ZDHHC8: variants seen among roughly 807,000 people sequenced by gnomAD.
The protein encoded by ZDHHC8 is zDHHC palmitoyltransferase 8.
In ZDHHC8, 24 loss-of-function variants were observed where a neutral mutation model predicts 61.2. The observed-to-expected ratio is 0.39, with a 90% CI of 0.28 to 0.55. The LOEUF is 0.55. Among genes scored for constraint, ZDHHC8 ranks in the 20% least tolerant of loss-of-function variants. ZDHHC8 has a pLI of 0.60. For missense variants in ZDHHC8, 935 were observed against 1,102.1 expected, an observed-to-expected ratio of 0.85 and a Z score of 2.15; for synonymous variants, 523 against 492.5, an observed-to-expected ratio of 1.06 and a Z score of -0.82.
intron 1 of ZDHHC8, among the ~76,000 whole-genome samples, chr22:20,135,396 A>G (rs1336684784): frequency 6.6e-6 from 1 of 152,184 alleles, no homozygotes; most frequent in African/African-American, 2.4e-5. Flanking sequence ...CCAGAGCCAC[A>G]TTGCAGAATG....
intron 10 of ZDHHC8, 137 bp downstream of exon 10, chr22:20,143,893 C>T (rs1327828755): frequency 1.7e-5 from 20 of 1,174,620 alleles, no homozygotes; most frequent in East Asian, 2.6e-5. Flanking sequence ...AGGGAGGATG[C>T]GCCTCACCCT....
At chr22:20,135,384 C>G (rs1043833800) in intron 1 of ZDHHC8, among the ~76,000 whole-genome samples, 1 of 152,242 alleles carries the variant, frequency 6.6e-6, no homozygotes, top group Non-Finnish European at 1.5e-5. Flanking sequence ...CCTGACTTCA[C>G]TCCAGAGCCA....
At chr22:20,141,635 C>T (rs2050472337) in intron 9 of ZDHHC8, 105 bp downstream of exon 9, 1 of 969,082 alleles carries the variant, frequency 1.0e-6, no homozygotes, top group Non-Finnish European at 1.5e-6. Context: ...TCCAGAGCCC[C>T]ATCTCTCCAG....
chr22:20,133,082 C>T (rs186763529), intron 1 of ZDHHC8, among the ~76,000 whole-genome samples: 65 of 152,338 alleles, frequency 4.3e-4, no homozygotes, highest in Admixed American at 3.7e-3. Flanking sequence ...CCACGTGCAT[C>T]GCAAGGCTGA....
At chr22:20,133,599 G>A (rs1337618096) in intron 1 of ZDHHC8, among the ~76,000 whole-genome samples, 2 of 151,846 alleles carry the variant, frequency 1.3e-5, no homozygotes, top group African/African-American at 2.4e-5. Flanking sequence ...CGTGGTGGTG[G>A]GCACCTGTAA....
Position 20,147,312 on chromosome 22 carries a change from G to T in ZDHHC8, c.*1912G>T. 7.5e-7 allele frequency: 1 copy of T among 1,331,706 alleles called. No homozygotes were observed. Among genetic ancestry groups the T allele is most frequent in the Non-Finnish European group, 9.8e-7 (1 of 1,019,832 alleles). 82.5% of individuals were successfully genotyped at this position (1,331,706 alleles called of 1,614,324 possible). ...AGGTCAGACTGCAGTGGACCCTGGG[G>T]CAGGGCTGGGGGTGGGCTGGGCTCT... On this transcript the variant is annotated 3_prime_UTR_variant, in exon 11 of 11. Coordinates refer to ENST00000334554, the MANE Select transcript of ZDHHC8 (RefSeq NM_013373.4).
intron 1 of ZDHHC8, among the ~76,000 whole-genome samples, chr22:20,137,444 G>A (rs2050431141): frequency 6.6e-6 from 1 of 152,360 alleles, no homozygotes; most frequent in Admixed American, 6.5e-5. Flanking sequence ...GCACTGGGAG[G>A]ACAGAGGCTG....
In ZDHHC8 at chr22:20,146,905, C is replaced by T; in HGVS notation, c.*1505C>T. 2.3e-6 allele frequency: 3 copies of T among 1,328,684 alleles called. No homozygotes were observed. Among genetic ancestry groups the T allele is most frequent in the Non-Finnish European group, 2.9e-6 (3 of 1,043,390 alleles). 82.3% of individuals were successfully genotyped at this position (1,328,684 alleles called of 1,614,324 possible). A position where few individuals can be genotyped will look rare whatever the true frequency, so the allele number is the denominator to read the frequency against. On this transcript the variant is annotated 3_prime_UTR_variant, in exon 11 of 11. Transcript: ENST00000334554. Reference sequence around the variant, plus strand: ...GGAGTGTGAGGGATGCACAGCTGTTCAGGGCTGAGACATTCTGGGCTGGGG... The same window carrying T: ...GGAGTGTGAGGGATGCACAGCTGTTTAGGGCTGAGACATTCTGGGCTGGGG...
Position 20,137,154 on chromosome 22 carries a change from C to T in ZDHHC8, c.105-2040C>T, listed in dbSNP as rs1046341688. On this transcript the variant is annotated intron_variant, in intron 1 of 10. Coordinates refer to ENST00000334554, the MANE Select transcript of ZDHHC8 (RefSeq NM_013373.4). Reference sequence around the variant, plus strand: ...GCCCTCACAGGCATGTGGCAGGTACCCGCACTGGGCAGGAGGGACCCGGTC... The same window carrying T: ...GCCCTCACAGGCATGTGGCAGGTACTCGCACTGGGCAGGAGGGACCCGGTC... Among the ~76,000 whole-genome samples, 4 of 152,252 alleles carry T rather than the reference C, an allele frequency of 2.6e-5. No homozygotes were observed. In the East Asian group the frequency reaches 5.8e-4, roughly 22 times the overall value.
In ZDHHC8 at chr22:20,140,726, C is replaced by A; in HGVS notation, c.752+18C>A. The A allele has an allele frequency of 6.2e-7, 1 of 1,605,670 alleles. No homozygotes were observed. Reference sequence around the variant, plus strand: ...GCGCCCCGGTGAGGCCCGGCCTGGGCAGGGTGGAGGGGGGCCTCTGCTGGG... The same window carrying A: ...GCGCCCCGGTGAGGCCCGGCCTGGGAAGGGTGGAGGGGGGCCTCTGCTGGG... On this transcript the variant is annotated intron_variant, in intron 6 of 10. Transcript: ENST00000334554.
rs1052896405 is a variant in ZDHHC8 at position 20,139,638 on chromosome 22, G to A, written c.384+3G>A. On this transcript the variant is annotated splice_donor_region_variant and intron_variant, in intron 3 of 10. Transcript: ENST00000334554. ...GCGTCTGTGACAACTGTGTAGAGGTGACCGCCCTGCTGCCCCGCGCTCCCC... is the reference window on the plus strand; with the variant it reads ...GCGTCTGTGACAACTGTGTAGAGGTAACCGCCCTGCTGCCCCGCGCTCCCC... 1 of 1,612,402 alleles carries A rather than the reference G, an allele frequency of 6.2e-7. No homozygotes were observed. The highest frequency in any genetic ancestry group is 8.5e-7 in the Non-Finnish European group (1 of 1,179,802).
intron 3 of ZDHHC8, 35 bp from the exon 4 acceptor site, chr22:20,139,685 C>T (rs1286498494): frequency 1.2e-6 from 2 of 1,611,126 alleles, no homozygotes; most frequent in Non-Finnish European, 1.7e-6. Flanking sequence ...CACATCCCTG[C>T]CTGCCATGTG....
rs1286485184 is a variant in ZDHHC8 at position 20,141,001 on chromosome 22, G to T, written c.883G>T (p.Gly295Cys). 1.2e-6 allele frequency: 2 copies of T among 1,611,110 alleles called. No individual in the cohort carries two copies. The highest frequency in any genetic ancestry group is 1.1e-5 in the South Asian group (1 of 91,080). Residue 295 changes from glycine (G) to cysteine (C), a missense_variant, in exon 7 of 11, where the codon GGC (glycine) becomes TGC (cysteine). This residue lies in a region of ZDHHC8 where 692 missense variants were observed against 731.4 expected (regional missense o/e 0.95). Coordinates refer to ENST00000334554, the MANE Select transcript of ZDHHC8 (RefSeq NM_013373.4). ...TGACAACGGGCTGAAGGCTGGCCTGGGCCGTAGCAAGGTGGGCGCCTGGGC... is the reference window on the plus strand; with the variant it reads ...TGACAACGGGCTGAAGGCTGGCCTGTGCCGTAGCAAGGTGGGCGCCTGGGC... ...LSDNGLKAGL[G>C]RSKSKGSLDR... is the part of the protein sequence containing the mutation.
chr22:20,135,024 TG>T (rs1328064250), intron 1 of ZDHHC8, among the ~76,000 whole-genome samples: 1 of 152,176 alleles, frequency 6.6e-6, no homozygotes, highest in African/African-American at 2.4e-5. Context: ...CTCGACCTCC[TG>T]GGCGCAAGTG....
chr22:20,145,469 A>T lies in ZDHHC8; in HGVS notation c.*69A>T, dbSNP rs1481911739. On this transcript the variant is annotated 3_prime_UTR_variant, in exon 11 of 11. Coordinates refer to ENST00000334554, the MANE Select transcript of ZDHHC8 (RefSeq NM_013373.4). ...ACCCCACAGCGCACCCCCCCTCCCC[A>T]CCAACTTCTCTGCCCCAGGGACCCG... 1.7e-5 allele frequency: 23 copies of T among 1,323,664 alleles called. No homozygotes were observed. The highest frequency in any genetic ancestry group is 9.7e-7 in the Non-Finnish European group (1 of 1,034,714). The allele number at this position is 1,323,664 out of a possible 1,614,324, so 82.0% of individuals were successfully genotyped here. A position where few individuals can be genotyped will look rare whatever the true frequency, so the allele number is the denominator to read the frequency against.
Position 20,131,863 on chromosome 22 carries a change from C to G in ZDHHC8, c.-85C>G, listed in dbSNP as rs1458025378. The G allele has an allele frequency of 2.8e-6, 1 of 353,998 alleles. No individual in the cohort carries two copies. The highest frequency in any genetic ancestry group is 3.9e-6 in the Non-Finnish European group (1 of 255,332). The allele number at this position is 353,998 out of a possible 1,614,324, so 21.9% of individuals were successfully genotyped here. A position where few individuals can be genotyped will look rare whatever the true frequency, so the allele number is the denominator to read the frequency against. On this transcript the variant is annotated 5_prime_UTR_variant, in exon 1 of 11. Coordinates refer to ENST00000334554, the MANE Select transcript of ZDHHC8 (RefSeq NM_013373.4). ...GCCGCCGCGGGTCCTGCGCCGCGTC[C>G]AGCCCGCCCGCCCGACCCCGGCCCG...
At position 20,147,018 on chromosome 22, in the gene ZDHHC8, C is replaced by T; in HGVS notation, c.*1618C>T. The T allele has an allele frequency of 7.1e-7, 1 of 1,407,142 alleles. No individual in the cohort carries two copies. Among genetic ancestry groups the T allele is most frequent in the Non-Finnish European group, 9.2e-7 (1 of 1,083,148 alleles). 87.2% of individuals were successfully genotyped at this position (1,407,142 alleles called of 1,614,324 possible). Reference sequence around the variant, plus strand: ...TCTCTCTCACGGACGCCGCGGCCCGCAGGGGGCGGATTGGCACCTGCACCC... The same window carrying T: ...TCTCTCTCACGGACGCCGCGGCCCGTAGGGGGCGGATTGGCACCTGCACCC... On this transcript the variant is annotated 3_prime_UTR_variant, in exon 11 of 11. Coordinates refer to ENST00000334554, the MANE Select transcript of ZDHHC8 (RefSeq NM_013373.4).
chr22:20,144,509 G>A (rs1324105260), intron 10 of ZDHHC8, among the ~76,000 whole-genome samples: 4 of 152,250 alleles, frequency 2.6e-5, no homozygotes, highest in Admixed American at 6.5e-5. Flanking sequence ...GTTGTTTCCC[G>A]TCGGCAGATG....
intron 10 of ZDHHC8, among the ~76,000 whole-genome samples, chr22:20,144,394 G>A (rs567031266): frequency 6.6e-6 from 1 of 152,356 alleles, no homozygotes; most frequent in East Asian, 1.9e-4. Flanking sequence ...GGTCCAGGTA[G>A]GAGAGCTGCA....
Sources: allele counts gnomAD v4.1 joint callset (sites outside exome capture counted in the v4.1 genomes callset), GRCh38; gene constraint gnomAD v4.1.1; regional missense constraint gnomAD v4.1.1; transcripts MANE v1.5; gene names NCBI Gene and HGNC (gene_info 2026-07-23, HGNC 2026-07-21).